The following ABCA13 variants were observed in gnomAD, a reference collection of about 807,000 sequenced individuals.
The protein encoded by ABCA13 is ATP-binding cassette sub-family A member 13.
Under a neutral mutation model 478.7 loss-of-function variants are expected in ABCA13, and 476 were observed. That is an observed-to-expected ratio of 0.99 (90% CI 0.92 to 1.07). The LOEUF (loss-of-function observed/expected upper bound fraction) is 1.07, where lower values mean the gene tolerates loss of function less well. Among genes scored for constraint, ABCA13 ranks in the 50% least tolerant of loss-of-function variants. The pLI, the probability that ABCA13 is intolerant of heterozygous loss-of-function variation, is 0.00. For missense variants in ABCA13, 6,060 were observed against 5,910.6 expected, an observed-to-expected ratio of 1.03 and a Z score of -0.83; for synonymous variants, 2,252 against 2,158.9, an observed-to-expected ratio of 1.04 and a Z score of -1.20.
At position 48,406,798 on chromosome 7, in the gene ABCA13, G is replaced by A. The variant is rs6583436; in HGVS notation, c.12070+2919G>A. Among the ~76,000 whole-genome samples, 730 of 152,102 alleles carry A rather than the reference G, an allele frequency of 4.8e-3. 3 individuals are homozygous for A. Among genetic ancestry groups the A allele is most frequent in the African/African-American group, 0.017 (690 of 41,482 alleles). On this transcript the variant is annotated intron_variant, in intron 39 of 61. Transcript: ENST00000435803. ...TGAGGCAGGAGAATCACTTGAACCC[G>A]GGAGGCAGAGGTTGCAGTGAGTTGA... is the stretch of plus-strand genomic sequence containing the variant.
At chr7:48,470,321 G>C (rs936360039) in intron 44 of ABCA13, among the ~76,000 whole-genome samples, 1 of 152,122 alleles carries the variant, frequency 6.6e-6, no homozygotes, top group Non-Finnish European at 1.5e-5. Context: ...AGGGAGCTAG[G>C]AGAAGAATAA....
At chr7:48,176,429 T>C (rs910046547) in intron 1 of ABCA13, among the ~76,000 whole-genome samples, 5 of 152,172 alleles carry the variant, frequency 3.3e-5, no homozygotes, top group African/African-American at 1.2e-4. Context: ...ACTAGGAACA[T>C]CCTTCTGCCC....
intron 31 of ABCA13, among the ~76,000 whole-genome samples, chr7:48,353,398 C>G (rs1809367201): frequency 6.6e-6 from 1 of 151,610 alleles, no homozygotes; most frequent in Admixed American, 6.6e-5. Context: ...CCTTCCTACC[C>G]TCTCTCAAAA....
At chr7:48,535,275 A>G (rs1389884183) in intron 55 of ABCA13, among the ~76,000 whole-genome samples, 1 of 151,634 alleles carries the variant, frequency 6.6e-6, no homozygotes, top group African/African-American at 2.4e-5. Flanking sequence ...GATTGTTTTT[A>G]CCCTTTTGTG....
chr7:48,352,905 C>T (rs947560425), intron 31 of ABCA13, among the ~76,000 whole-genome samples: 1 of 151,940 alleles, frequency 6.6e-6, no homozygotes, highest in Non-Finnish European at 1.5e-5. Flanking sequence ...GGATTCCATA[C>T]AGGCCTTGAC....
chr7:48,321,697 G>A (rs2128909987), intron 27 of ABCA13, among the ~76,000 whole-genome samples: 1 of 152,336 alleles, frequency 6.6e-6, no homozygotes, highest in Admixed American at 6.5e-5. Flanking sequence ...TGAGAGCGAG[G>A]TGGCCTCAGC....
intron 3 of ABCA13, among the ~76,000 whole-genome samples, chr7:48,218,068 A>T (rs994265618): frequency 1.3e-5 from 2 of 152,234 alleles, no homozygotes; most frequent in East Asian, 1.9e-4. Context: ...TCTGCTATAA[A>T]CATTTCTCAT....
intron 29 of ABCA13, among the ~76,000 whole-genome samples, chr7:48,347,757 C>A (rs1682481492): frequency 6.6e-6 from 1 of 152,162 alleles, no homozygotes; most frequent in South Asian, 2.1e-4. Context: ...AGTCTTAAAG[C>A]AAGATAAAGG....
intron 40 of ABCA13, among the ~76,000 whole-genome samples, chr7:48,411,290 C>CTTTT (rs1246006149): frequency 9.4e-4 from 74 of 78,704 alleles, no homozygotes; most frequent in Admixed American, 4.7e-3. Context: ...CTCCTTCCTT[C>CTTTT]CTTCTTTTCT....
chr7:48,641,763 C>T (rs572632528), intron 59 of ABCA13, among the ~76,000 whole-genome samples: 3 of 152,162 alleles, frequency 2.0e-5, no homozygotes, highest in Non-Finnish European at 4.4e-5. Flanking sequence ...GCTCCAGTGA[C>T]ATGGTGCTTC....
At chr7:48,256,264 A>T (rs1681660718) in intron 15 of ABCA13, among the ~76,000 whole-genome samples, 1 of 151,894 alleles carries the variant, frequency 6.6e-6, no homozygotes, top group Non-Finnish European at 1.5e-5. Context: ...TACTCTCTTG[A>T]TAGTTTCTTT....
At chr7:48,627,675 A>T (rs1026018053) in intron 59 of ABCA13, among the ~76,000 whole-genome samples, 2 of 152,198 alleles carry the variant, frequency 1.3e-5, no homozygotes, top group Non-Finnish European at 2.9e-5. Context: ...ATAACAGAAT[A>T]CCAGAGACTG....
chr7:48,300,512 A>G (rs2085686038), intron 23 of ABCA13, among the ~76,000 whole-genome samples: 1 of 152,216 alleles, frequency 6.6e-6, no homozygotes, highest in African/African-American at 2.4e-5. Flanking sequence ...GGTCCCTGGA[A>G]GCCTCCCTGA....
chr7:48,465,290 G>A (rs1282309390), intron 43 of ABCA13, among the ~76,000 whole-genome samples: 7 of 152,126 alleles, frequency 4.6e-5, no homozygotes, highest in Admixed American at 6.5e-5. Flanking sequence ...CTATGTGTAC[G>A]GTCACACTGA....
In ABCA13 at chr7:48,478,310, T is replaced by TATATAA. The variant is rs1554531471; in HGVS notation, c.12976-2725_12976-2724insTATAAA. 5.8e-3 allele frequency among the ~76,000 whole-genome samples: 846 copies of TATATAA among 146,300 alleles called. 4 individuals carry two copies. The highest frequency in any genetic ancestry group is 8.5e-3 in the Non-Finnish European group (568 of 66,940). ...ATATCATTTTATATATATATATATA[T>TATATAA]AATCACACACACCCATTATGGAAAG... On this transcript the variant is annotated intron_variant, in intron 45 of 61. Transcript: ENST00000435803.
chr7:48,363,119 C>A (rs186338228), intron 31 of ABCA13, among the ~76,000 whole-genome samples: 1 of 152,066 alleles, frequency 6.6e-6, no homozygotes, highest in African/African-American at 2.4e-5. Context: ...CATCATTTGG[C>A]GGGATGAAGT....
intron 47 of ABCA13, among the ~76,000 whole-genome samples, chr7:48,484,556 A>G (rs1829100805): frequency 6.6e-6 from 1 of 152,208 alleles, no homozygotes; most frequent in African/African-American, 2.4e-5. Flanking sequence ...ACGTATTCAT[A>G]GGAGATGGTT....
chr7:48,362,642 A>AG (rs1811064447), intron 31 of ABCA13, among the ~76,000 whole-genome samples: 1 of 151,226 alleles, frequency 6.6e-6, no homozygotes, highest in African/African-American at 2.4e-5. Context: ...TTTTCTTTTA[A>AG]GCTAATATTT....
chr7:48,432,329 G>A (rs959750754), intron 42 of ABCA13, among the ~76,000 whole-genome samples: 1 of 152,096 alleles, frequency 6.6e-6, no homozygotes, highest in African/African-American at 2.4e-5. Flanking sequence ...AACACATGCT[G>A]GTGAGGTTGT....
Sources: gnomAD v4.1 joint callset for allele counts (sites outside exome capture counted in the v4.1 genomes callset) on GRCh38, gnomAD v4.1.1 for gene constraint, MANE v1.5 for transcripts, NCBI Gene and HGNC (gene_info 2026-07-23, HGNC 2026-07-21) for gene names.